TMEM132D: variants seen among roughly 807,000 people sequenced by gnomAD.
TMEM132D encodes the protein mature OL transmembrane protein.
Under a neutral mutation model 62.3 loss-of-function variants are expected in TMEM132D, and 21 were observed. That is an observed-to-expected ratio of 0.34 (90% confidence interval 0.24 to 0.49). TMEM132D has a LOEUF of 0.49. Ranked by LOEUF, TMEM132D falls within the 20% of genes least tolerant of loss-of-function variation. TMEM132D has a pLI of 0.99. For synonymous variants in TMEM132D, 621 were observed against 575.6 expected, an observed-to-expected ratio of 1.08 and a Z score of -1.13; for missense variants, 1,346 against 1,402.8, an observed-to-expected ratio of 0.96 and a Z score of 0.65.
intron 1 of TMEM132D, among the ~76,000 whole-genome samples, chr12:129,739,105 C>G (rs1318178003): frequency 2.0e-5 from 3 of 152,180 alleles, no homozygotes; most frequent in South Asian, 4.1e-4. Context: ...GAAAAAGGAA[C>G]AGGACTGGCC....
intron 3 of TMEM132D, among the ~76,000 whole-genome samples, chr12:129,508,013 C>T (rs1173339798): frequency 1.3e-5 from 2 of 152,070 alleles, no homozygotes; most frequent in Non-Finnish European, 2.9e-5. Flanking sequence ...CCTGAGTATA[C>T]AATTCCAACC....
At position 129,247,739 on chromosome 12, in the gene TMEM132D, C is replaced by G. The variant is rs7297796; in HGVS notation, c.1300-38076G>C. Among the ~76,000 whole-genome samples, 33 of 152,334 alleles carry G rather than the reference C, an allele frequency of 2.2e-4. 1 individual carries two copies. The highest frequency in any genetic ancestry group is 7.0e-4 in the African/African-American group (29 of 41,576). On this transcript the variant is annotated intron_variant, in intron 4 of 8. Coordinates refer to ENST00000422113, the MANE Select transcript of TMEM132D (RefSeq NM_133448.3). ...ATGTTAATAGGGGGGTGCCCCCTCA[C>G]CATCTGAAGTCCAGGTGAGGAGGTG...
intron 5 of TMEM132D, among the ~76,000 whole-genome samples, chr12:129,102,548 CACAT>C (rs1489223376): frequency 6.6e-6 from 1 of 152,112 alleles, no homozygotes; most frequent in Admixed American, 6.6e-5. Flanking sequence ...CACATGCACA[CACAT>C]ACACACATGT....
chr12:129,816,615 A>G (rs971959062), intron 1 of TMEM132D, among the ~76,000 whole-genome samples: 8 of 152,236 alleles, frequency 5.3e-5, no homozygotes, highest in Admixed American at 4.6e-4. Flanking sequence ...GAGAGACACA[A>G]ATGATGAAAA....
chr12:129,429,812 C>T (rs1402848140), intron 3 of TMEM132D, among the ~76,000 whole-genome samples: 12 of 146,904 alleles, frequency 8.2e-5, no homozygotes, highest in Admixed American at 7.0e-4. Flanking sequence ...TCAATTCTCA[C>T]CTGAGTGAGA....
At chr12:129,453,024 G>A (rs1326707053) in intron 3 of TMEM132D, among the ~76,000 whole-genome samples, 1 of 152,194 alleles carries the variant, frequency 6.6e-6, no homozygotes, top group Non-Finnish European at 1.5e-5. Flanking sequence ...TACTGCCTGA[G>A]CTCTGCCTCC....
chr12:129,709,552 G>A (rs1228801998), intron 1 of TMEM132D, among the ~76,000 whole-genome samples: 2 of 152,122 alleles, frequency 1.3e-5, no homozygotes, highest in South Asian at 4.1e-4. Context: ...AGAAGCAAAA[G>A]GTTCCCAAAG....
intron 1 of TMEM132D, among the ~76,000 whole-genome samples, chr12:129,816,849 T>C (rs536358283): frequency 3.0e-4 from 46 of 152,366 alleles, no homozygotes; most frequent in Non-Finnish European, 6.3e-4. Context: ...GAATGAATAT[T>C]TCTAAAATAC....
At chr12:129,342,085 C>T (rs1384337255) in intron 3 of TMEM132D, among the ~76,000 whole-genome samples, 1 of 152,122 alleles carries the variant, frequency 6.6e-6, no homozygotes, top group Non-Finnish European at 1.5e-5. Flanking sequence ...CTTTAAAGTT[C>T]ATATGGAACC....
intron 3 of TMEM132D, among the ~76,000 whole-genome samples, chr12:129,374,528 G>C (rs139050267): frequency 6.6e-6 from 1 of 152,244 alleles, no homozygotes; most frequent in East Asian, 1.9e-4. Context: ...GGAGGTCTCT[G>C]TGGTGAGAAG....
intron 1 of TMEM132D, among the ~76,000 whole-genome samples, chr12:129,764,536 A>T (rs1177940388): frequency 1.3e-5 from 2 of 151,182 alleles, no homozygotes; most frequent in East Asian, 2.0e-4. Context: ...ATTCCTTGTT[A>T]AAAAAAAATG....
intron 5 of TMEM132D, chr12:129,110,233 C>T (rs1875645716): frequency 6.6e-6 from 1 of 152,182 alleles, no homozygotes; most frequent in Admixed American, 6.6e-5. Flanking sequence ...GTGCACTTAA[C>T]TCTGTCTGCT....
chr12:129,232,097 C>T (rs1200996080), intron 4 of TMEM132D, among the ~76,000 whole-genome samples: 1 of 152,198 alleles, frequency 6.6e-6, no homozygotes, highest in Non-Finnish European at 1.5e-5. Context: ...GTGGGTCTCA[C>T]ACTCTGATTC....
chr12:129,264,577 C>T (rs903475003), intron 4 of TMEM132D, among the ~76,000 whole-genome samples: 17 of 152,034 alleles, frequency 1.1e-4, no homozygotes, highest in African/African-American at 2.2e-4. Flanking sequence ...GTATCTACCC[C>T]GAGGAAAATA....
rs202141393 is a variant in TMEM132D at position 129,487,032 on chromosome 12, G to GGC, written c.1115+44026_1115+44027insGC. 9.3e-5 allele frequency among the ~76,000 whole-genome samples: 10 copies of GGC among 107,520 alleles called. No individual in the cohort carries two copies. In the East Asian group the frequency reaches 2.3e-3, roughly 24 times the overall value. 70.5% of individuals were successfully genotyped at this position (107,520 alleles called of 152,430 possible). ...TTGATGTCTGCGAATGTTTGCGTATGGGGGGGGGGGTTGTGGGTGTAGCTG... is the reference window on the plus strand; with the variant it reads ...TTGATGTCTGCGAATGTTTGCGTATGGCGGGGGGGGGGTTGTGGGTGTAGCTG... On this transcript the variant is annotated intron_variant, in intron 3 of 8. Coordinates refer to ENST00000422113, the MANE Select transcript of TMEM132D (RefSeq NM_133448.3).
At chr12:129,747,933 A>G (rs2137264903) in intron 1 of TMEM132D, among the ~76,000 whole-genome samples, 1 of 152,222 alleles carries the variant, frequency 6.6e-6, no homozygotes, top group South Asian at 2.1e-4. Flanking sequence ...TCTTTCTAGC[A>G]CTCATCACCG....
intron 1 of TMEM132D, among the ~76,000 whole-genome samples, chr12:129,789,190 G>A (rs1019335707): frequency 4.6e-5 from 7 of 152,078 alleles, no homozygotes; most frequent in Admixed American, 1.3e-4. Flanking sequence ...TCTACCCAAC[G>A]TGTAGTCTTT....
chr12:129,899,721 G>T (rs1400203211), intron 1 of TMEM132D, among the ~76,000 whole-genome samples: 1 of 152,076 alleles, frequency 6.6e-6, no homozygotes, highest in Non-Finnish European at 1.5e-5. Context: ...CTCAAACTTG[G>T]AATTCTACCT....
intron 4 of TMEM132D, among the ~76,000 whole-genome samples, chr12:129,310,550 T>G (rs778403246): frequency 1.1e-4 from 16 of 152,328 alleles, no homozygotes; most frequent in Non-Finnish European, 1.6e-4. Flanking sequence ...CCAGAGACTT[T>G]TCTTTGGCTG....
Sources: gnomAD v4.1 joint callset for allele counts (sites outside exome capture counted in the v4.1 genomes callset) on GRCh38, gnomAD v4.1.1 for gene constraint, MANE v1.5 for transcripts, NCBI Gene and HGNC (gene_info 2026-07-23, HGNC 2026-07-21) for gene names.